The following IL1RAPL1 variants were observed in gnomAD, a reference collection of about 807,000 sequenced individuals.
IL1RAPL1 encodes the protein interleukin 1 receptor accessory protein like 1.
IL1RAPL1 carries 3 observed loss-of-function variants against 48.4 expected under a neutral mutation model. The ratio of observed to expected loss-of-function variants is 0.06; its 90% CI spans 0.03 to 0.16. IL1RAPL1 has a LOEUF of 0.16. Among genes scored for constraint, IL1RAPL1 ranks in the 10% least tolerant of loss-of-function variants. The pLI is 1.00. For missense variants in IL1RAPL1, 349 were observed against 530.6 expected, an observed-to-expected ratio of 0.66 and a Z score of 3.36; for synonymous variants, 185 against 187.7, an observed-to-expected ratio of 0.99 and a Z score of 0.12.
chrX:29,730,885 C>T (rs1927899468), intron 6 of IL1RAPL1, among the ~76,000 whole-genome samples: 1 of 111,961 alleles, frequency 8.9e-6, no homozygotes, highest in Non-Finnish European at 1.9e-5. Flanking sequence ...CCTGATTTCT[C>T]CTAGCTCAGT....
At chrX:29,551,655 A>G (rs1209271806) in intron 5 of IL1RAPL1, among the ~76,000 whole-genome samples, 3 of 111,628 alleles carry the variant, frequency 2.7e-5, no homozygotes, top group Non-Finnish European at 5.6e-5. Flanking sequence ...GATTACTACA[A>G]TCAAGCTCAT....
chrX:29,381,833 A>AAATATATAT (rs1365599735), intron 3 of IL1RAPL1, among the ~76,000 whole-genome samples: 3 of 25,387 alleles, frequency 1.2e-4, no homozygotes, highest in African/African-American at 2.3e-4. Flanking sequence ...AAAAAAAAAA[A>AAATATATAT]ATATATATAT....
intron 5 of IL1RAPL1, among the ~76,000 whole-genome samples, chrX:29,507,355 C>T: frequency 2.5e-5 from 1 of 40,077 alleles, no homozygotes; most frequent in Non-Finnish European, 4.9e-5. Flanking sequence ...TCTCTTCCCT[C>T]CCCTTCTCTC....
chrX:29,286,902 G>T (rs1198365716), intron 3 of IL1RAPL1, among the ~76,000 whole-genome samples: 2 of 109,550 alleles, frequency 1.8e-5, no homozygotes, highest in Non-Finnish European at 3.8e-5. Context: ...ATAATTGCAG[G>T]TTCATATTCA....
At chrX:29,160,982 C>T (rs998111743) in intron 2 of IL1RAPL1, among the ~76,000 whole-genome samples, 7 of 110,083 alleles carry the variant, frequency 6.4e-5, no homozygotes, top group African/African-American at 1.7e-4. Flanking sequence ...CGCTTGAGCC[C>T]GGGAGGCGGA....
intron 6 of IL1RAPL1, among the ~76,000 whole-genome samples, chrX:29,858,060 T>G (rs750756076): frequency 8.9e-6 from 1 of 111,818 alleles, no homozygotes; most frequent in African/African-American, 3.2e-5. Flanking sequence ...TGCCTTTAGC[T>G]CAACATAATC....
In IL1RAPL1 at chrX:29,685,827, A is replaced by G. The variant is rs772293588; in HGVS notation, c.778+17323A>G. ...TACTGAAACCCCGTCTCTACTAAAA[A>G]TACAAAAATTAGTCAGGCATGGTGG... is the stretch of plus-strand genomic sequence containing the variant. On this transcript the variant is annotated intron_variant, in intron 6 of 10. Transcript: ENST00000378993. Among the ~76,000 whole-genome samples, 10 of 106,616 alleles carry G rather than the reference A, an allele frequency of 9.4e-5. No homozygotes were observed. In the South Asian group the frequency reaches 3.7e-3, roughly 39 times the overall value. The allele number at this position is 106,616 out of a possible 115,157, so 92.6% of individuals were successfully genotyped here.
chrX:29,044,251 G>GAA lies in IL1RAPL1; in HGVS notation c.83-238687_83-238686insAA, dbSNP rs767460176. ...GTTCAAAACCAGCCTGGCCAACACG[G>GAA]TGAAACCCACCTCTACTAAAAATAC... is the stretch of plus-strand genomic sequence containing the variant. On this transcript the variant is annotated intron_variant, in intron 2 of 10. Transcript: ENST00000378993. Among the ~76,000 whole-genome samples, 3 of 110,275 alleles carry GAA rather than the reference G, an allele frequency of 2.7e-5. No homozygotes were observed. The South Asian group carries it at 1.2e-3, about 44-fold the overall frequency.
At chrX:28,966,796 A>C (rs1924931435) in intron 2 of IL1RAPL1, among the ~76,000 whole-genome samples, 1 of 111,013 alleles carries the variant, frequency 9.0e-6, no homozygotes, top group African/African-American at 3.3e-5. Context: ...TTTGAGGTCT[A>C]CTCCTCTAGA....
intron 2 of IL1RAPL1, among the ~76,000 whole-genome samples, chrX:29,111,956 G>A (rs1353066278): frequency 2.4e-5 from 2 of 83,342 alleles, no homozygotes; most frequent in African/African-American, 9.1e-5. Context: ...TTGAGACGGC[G>A]TCTCACTCTG....
intron 2 of IL1RAPL1, among the ~76,000 whole-genome samples, chrX:28,824,982 A>G (rs1293166964): frequency 2.7e-5 from 3 of 111,454 alleles, no homozygotes; most frequent in Non-Finnish European, 5.7e-5. Context: ...AATGTTATGA[A>G]GGGTATGCAG....
chrX:29,049,388 A>G (rs1927044514), intron 2 of IL1RAPL1, among the ~76,000 whole-genome samples: 1 of 112,454 alleles, frequency 8.9e-6, no homozygotes, highest in African/African-American at 3.2e-5. Context: ...TATTTTTACA[A>G]TAGCCCTAAG....
In IL1RAPL1 at chrX:29,586,520, A is replaced by G. The variant is rs540624303; in HGVS notation, c.704-81910A>G. The stretch of plus-strand genomic sequence containing the variant: ...TCTTTCAAGACTGATTTCATCGTTT[A>G]TGGTCTTTTATGGTTCCATATGAAT... On this transcript the variant is annotated intron_variant, in intron 5 of 10. Transcript: ENST00000378993. 3.3e-4 allele frequency among the ~76,000 whole-genome samples: 37 copies of G among 111,623 alleles called. No homozygotes were observed. The South Asian group carries it at 0.011, about 32-fold the overall frequency.
chrX:29,782,997 C>T (rs917561831), intron 6 of IL1RAPL1, among the ~76,000 whole-genome samples: 4 of 97,052 alleles, frequency 4.1e-5, no homozygotes, highest in Non-Finnish European at 8.1e-5. Flanking sequence ...CTCCGCCTCC[C>T]GGGTTCACGC....
chrX:29,763,168 G>A (rs1196102708), intron 6 of IL1RAPL1, among the ~76,000 whole-genome samples: 2 of 108,955 alleles, frequency 1.8e-5, no homozygotes, highest in Middle Eastern at 4.7e-3. Context: ...AGTGATATTT[G>A]CTCTCCTAGC....
At chrX:29,572,994 A>C (rs1384904826) in intron 5 of IL1RAPL1, among the ~76,000 whole-genome samples, 1 of 112,367 alleles carries the variant, frequency 8.9e-6, no homozygotes, top group Non-Finnish European at 1.9e-5. Flanking sequence ...ATTTACAAAC[A>C]ATAGGAATTT....
chrX:29,742,692 G>T (rs1308516534), intron 6 of IL1RAPL1, among the ~76,000 whole-genome samples: 2 of 111,654 alleles, frequency 1.8e-5, no homozygotes, highest in Non-Finnish European at 3.8e-5. Context: ...TGAAACATAC[G>T]GGTTGGTTCA....
In IL1RAPL1 at chrX:28,789,438, C is replaced by T. The variant is rs1374634143; in HGVS notation, c.82+13C>T. On this transcript the variant is annotated intron_variant, in intron 2 of 10. Transcript: ENST00000378993. ...AAAAGAGGCTCCGGTAAGCAGTATT[C>T]CTCTATTTTTTATGTGTTTTTATAG... The T allele has an allele frequency of 8.7e-7, 1 of 1,149,421 alleles. No homozygotes were observed. The highest frequency in any genetic ancestry group is 1.2e-6 in the Non-Finnish European group (1 of 840,214). The allele number at this position is 1,149,421 out of a possible 1,213,427, so 94.7% of individuals were successfully genotyped here. A position where few individuals can be genotyped will look rare whatever the true frequency, so the allele number is the denominator to read the frequency against.
At chrX:29,381,826 AAAAAAAAATATATATATATAT>A (rs1569299083) in intron 3 of IL1RAPL1, among the ~76,000 whole-genome samples, 1 of 84,721 alleles carries the variant, frequency 1.2e-5, no homozygotes, top group Admixed American at 1.5e-4. Context: ...AAAAAAAAAA[AAAAAAAAATATATATATATAT>A]ATATATATAT....
Sources: gnomAD v4.1 joint callset for allele counts (sites outside exome capture counted in the v4.1 genomes callset) on GRCh38, gnomAD v4.1.1 for gene constraint, MANE v1.5 for transcripts, NCBI Gene and HGNC (gene_info 2026-07-23, HGNC 2026-07-21) for gene names.